The following ZNF618 variants were observed in gnomAD, a reference collection of about 807,000 sequenced individuals.
The protein encoded by ZNF618 is zinc finger protein 618.
In ZNF618, 34 loss-of-function variants were observed where a neutral mutation model predicts 103.0. That is an observed-to-expected ratio of 0.33 (90% CI 0.25 to 0.44). The LOEUF is 0.44. Ranked by LOEUF, ZNF618 falls within the 20% of genes least tolerant of loss-of-function variation. ZNF618 has a pLI of 1.00. For synonymous variants in ZNF618, 551 were observed against 542.2 expected, an observed-to-expected ratio of 1.02 and a Z score of -0.23; for missense variants, 1,059 against 1,295.4, an observed-to-expected ratio of 0.82 and a Z score of 2.80.
At chr9:114,018,041 T>C (rs1842789062) in intron 10 of ZNF618, among the ~76,000 whole-genome samples, 1 of 152,184 alleles carries the variant, frequency 6.6e-6, no homozygotes, top group African/African-American at 2.4e-5. Context: ...CTCTGGGCTC[T>C]TTTCCCATCT....
At chr9:114,037,130 T>A (rs2134362098) in intron 13 of ZNF618, among the ~76,000 whole-genome samples, 1 of 152,328 alleles carries the variant, frequency 6.6e-6, no homozygotes, top group African/African-American at 2.4e-5. Context: ...CAGTATGTGC[T>A]GGAATAAGTA....
intron 1 of ZNF618, among the ~76,000 whole-genome samples, chr9:113,946,955 G>A (rs764761656): frequency 6.6e-6 from 1 of 152,106 alleles, no homozygotes; most frequent in Non-Finnish European, 1.5e-5. Flanking sequence ...GGTGGTTCTG[G>A]GAAAGCCTGC....
chr9:113,975,409 T>C (rs1838382031), intron 2 of ZNF618, among the ~76,000 whole-genome samples: 1 of 152,242 alleles, frequency 6.6e-6, no homozygotes, highest in Non-Finnish European at 1.5e-5. Context: ...TGTGGCTGCA[T>C]AATTATTTAT....
intron 1 of ZNF618, among the ~76,000 whole-genome samples, chr9:113,922,561 T>A (rs181817981): frequency 2.6e-5 from 4 of 151,442 alleles, no homozygotes; most frequent in African/African-American, 9.7e-5. Flanking sequence ...TTGAATTACC[T>A]TTGTGCCTTT....
At chr9:113,978,265 G>A (rs17792105) in intron 2 of ZNF618, among the ~76,000 whole-genome samples, 8 of 152,166 alleles carry the variant, frequency 5.3e-5, no homozygotes, top group African/African-American at 1.9e-4. Context: ...GGACACTGTG[G>A]TTCTGCTCCA....
rs1845869759 is a variant in ZNF618, at chr9:114,048,637, G to A, written c.1349-14G>A. 1 of 1,600,108 alleles carries A rather than the reference G, an allele frequency of 6.2e-7. No individual in the cohort carries two copies. Among genetic ancestry groups the A allele is most frequent in the Non-Finnish European group, 8.5e-7 (1 of 1,171,094 alleles). On this transcript the variant is annotated splice_polypyrimidine_tract_variant and intron_variant, in intron 14 of 14. Coordinates refer to ENST00000374126, the MANE Select transcript of ZNF618 (RefSeq NM_001318042.2). The stretch of plus-strand genomic sequence containing the variant: ...GCCAGAATTAATCCCATCTGTCTTT[G>A]TGTCCTCTGCCAGCCACTACCAGTG...
intron 1 of ZNF618, among the ~76,000 whole-genome samples, chr9:113,931,003 T>G (rs1833532414): frequency 6.6e-6 from 1 of 152,228 alleles, no homozygotes; most frequent in South Asian, 2.1e-4. Context: ...GGGGAAATAC[T>G]GAAATTTACT....
At position 114,008,561 on chromosome 9, in the gene ZNF618, G is replaced by A. The variant is rs775957108; in HGVS notation, c.754+7G>A. 1.1e-5 allele frequency: 17 copies of A among 1,613,562 alleles called. 1 individual carries two copies. Among genetic ancestry groups the A allele is most frequent in the East Asian group, 6.7e-5 (3 of 44,872 alleles). ...TTCCAGAAAATCGGGCCAAGTATGC[G>A]GGATTCCCTCTGGGGCCAAGGGCTG... On this transcript the variant is annotated splice_region_variant and intron_variant, in intron 9 of 14. Transcript: ENST00000374126.
Position 114,007,342 on chromosome 9 carries a change from C to T in ZNF618, c.551-8C>T. The T allele has an allele frequency of 1.9e-6, 3 of 1,612,946 alleles. No individual in the cohort carries two copies. Among genetic ancestry groups the T allele is most frequent in the Non-Finnish European group, 2.5e-6 (3 of 1,179,294 alleles). The stretch of plus-strand genomic sequence containing the variant: ...TGGTAACCAGGTGTGTGTTTTCATC[C>T]CATGCAGACAATTTCAGGTACACAT... On this transcript the variant is annotated splice_polypyrimidine_tract_variant and splice_region_variant and intron_variant, in intron 6 of 14. Coordinates refer to ENST00000374126, the MANE Select transcript of ZNF618 (RefSeq NM_001318042.2).
chr9:113,882,856 C>G (rs1382388647), intron 1 of ZNF618, among the ~76,000 whole-genome samples: 1 of 152,206 alleles, frequency 6.6e-6, no homozygotes, highest in African/African-American at 2.4e-5. Flanking sequence ...TCCTCGAGAT[C>G]AGCTGCACTT....
chr9:113,947,262 G>A (rs1835125958), intron 1 of ZNF618, among the ~76,000 whole-genome samples: 1 of 152,104 alleles, frequency 6.6e-6, no homozygotes, highest in Non-Finnish European at 1.5e-5. Context: ...TTGAACCTGG[G>A]CTCCTTCACC....
intron 1 of ZNF618, among the ~76,000 whole-genome samples, chr9:113,914,443 AG>A (rs1564164153): frequency 6.6e-6 from 1 of 152,198 alleles, no homozygotes; most frequent in African/African-American, 2.4e-5. Flanking sequence ...GCACTGAAGC[AG>A]AAGAACCCAT....
intron 1 of ZNF618, among the ~76,000 whole-genome samples, chr9:113,914,515 C>T (rs372470401): frequency 6.6e-6 from 1 of 152,200 alleles, no homozygotes; most frequent in Non-Finnish European, 1.5e-5. Flanking sequence ...TCGGAGTTGC[C>T]GGTTTATGAT....
At chr9:114,038,749 T>TGAAA in intron 13 of ZNF618, among the ~76,000 whole-genome samples, 1 of 152,302 alleles carries the variant, frequency 6.6e-6, no homozygotes, top group Admixed American at 6.5e-5. Flanking sequence ...CACTGAGAGC[T>TGAAA]TTACGCAGGT....
chr9:113,961,505 CAA>C (rs915170809), intron 1 of ZNF618, among the ~76,000 whole-genome samples: 1 of 152,212 alleles, frequency 6.6e-6, no homozygotes, highest in African/African-American at 2.4e-5. Flanking sequence ...AAAAATGGCA[CAA>C]ACTCATGTGA....
intron 10 of ZNF618, among the ~76,000 whole-genome samples, chr9:114,019,030 G>A (rs577061326): frequency 1.3e-5 from 2 of 152,210 alleles, no homozygotes; most frequent in East Asian, 3.9e-4. Flanking sequence ...TGAGACTCTG[G>A]GTCTGGTGAG....
chr9:113,962,281 A>G (rs1456285691), intron 1 of ZNF618, among the ~76,000 whole-genome samples: 2 of 152,258 alleles, frequency 1.3e-5, no homozygotes, highest in African/African-American at 2.4e-5. Flanking sequence ...AGCACCAACC[A>G]GTATATTCAG....
chr9:114,042,335 T>C lies in ZNF618; in HGVS notation c.1247-5558T>C, dbSNP rs142006300. Among the ~76,000 whole-genome samples, 395 of 152,268 alleles carry C rather than the reference T, an allele frequency of 2.6e-3. 1 individual carries two copies. Among genetic ancestry groups the C allele is most frequent in the Admixed American group, 4.0e-3 (61 of 15,294 alleles). ...AATTTGAAGAGTACAGTTTGATTGGTTTGGACAAATGTGTGCTGTTGTTTA... is the reference window on the plus strand; with the variant it reads ...AATTTGAAGAGTACAGTTTGATTGGCTTGGACAAATGTGTGCTGTTGTTTA... On this transcript the variant is annotated intron_variant, in intron 13 of 14. Coordinates refer to ENST00000374126, the MANE Select transcript of ZNF618 (RefSeq NM_001318042.2).
At chr9:113,945,853 A>G (rs549441359) in intron 1 of ZNF618, among the ~76,000 whole-genome samples, 116 of 152,340 alleles carry the variant, frequency 7.6e-4, no homozygotes, top group Admixed American at 2.6e-3. Flanking sequence ...GTAAAAAGTT[A>G]ATTAATTTGG....
Sources: gnomAD v4.1 joint callset for allele counts (sites outside exome capture counted in the v4.1 genomes callset) on GRCh38, gnomAD v4.1.1 for gene constraint, MANE v1.5 for transcripts, NCBI Gene and HGNC (gene_info 2026-07-23, HGNC 2026-07-21) for gene names.